Variants in KCNQ5 observed in about 807,000 individuals in gnomAD.
The protein encoded by KCNQ5 is potassium voltage-gated channel subfamily Q member 5, also known as potassium voltage-gated channel subfamily KQT member 5.
In KCNQ5, 30 loss-of-function variants were observed where a neutral mutation model predicts 98.2. The ratio of observed to expected loss-of-function variants is 0.31; its 90% CI spans 0.23 to 0.41. KCNQ5 has a LOEUF of 0.41. Among genes scored for constraint, KCNQ5 ranks in the 10% least tolerant of loss-of-function variants. The probability of loss-of-function intolerance (pLI) is 1.00; values close to 1 mark genes in which losing one functional copy is unlikely to be tolerated. For missense variants in KCNQ5, 835 were observed against 1,182.5 expected (o/e 0.71, Z 4.31); for synonymous variants, 458 against 449.4 (o/e 1.02, Z -0.24).
chr6:73,043,438 G>T (rs576716764), intron 3 of KCNQ5, among the ~76,000 whole-genome samples: 1 of 152,328 alleles, frequency 6.6e-6, no homozygotes, highest in South Asian at 2.1e-4. Context: ...AGCAAAGTCG[G>T]TGGTAACTCC....
At chr6:72,878,985 A>G (rs1237852214) in intron 1 of KCNQ5, among the ~76,000 whole-genome samples, 1 of 152,164 alleles carries the variant, frequency 6.6e-6, no homozygotes, top group Non-Finnish European at 1.5e-5. Context: ...TGTTATAGTC[A>G]TATTTTGGAT....
chr6:72,850,454 A>G (rs1482791084), intron 1 of KCNQ5, among the ~76,000 whole-genome samples: 1 of 152,166 alleles, frequency 6.6e-6, no homozygotes, highest in African/African-American at 2.4e-5. Flanking sequence ...TTGAGCGCCT[A>G]CTACACACAC....
At chr6:72,650,051 A>G (rs1358905787) in intron 1 of KCNQ5, among the ~76,000 whole-genome samples, 1 of 152,070 alleles carries the variant, frequency 6.6e-6, no homozygotes, top group Non-Finnish European at 1.5e-5. Flanking sequence ...GTTAAACTCA[A>G]CCTTCCATTT....
chr6:72,728,123 G>T (rs2154475653), intron 1 of KCNQ5, among the ~76,000 whole-genome samples: 1 of 152,212 alleles, frequency 6.6e-6, no homozygotes, highest in Non-Finnish European at 1.5e-5. Flanking sequence ...CCAGTGGTAG[G>T]TTATGCAAAG....
At chr6:73,061,643 G>A (rs1350436630) in intron 3 of KCNQ5, among the ~76,000 whole-genome samples, 2 of 152,082 alleles carry the variant, frequency 1.3e-5, no homozygotes, top group African/African-American at 4.8e-5. Context: ...TTTAACTCAC[G>A]AAAAACTCTG....
At chr6:72,736,890 A>T (rs1473405124) in intron 1 of KCNQ5, among the ~76,000 whole-genome samples, 1 of 152,190 alleles carries the variant, frequency 6.6e-6, no homozygotes, top group Non-Finnish European at 1.5e-5. Context: ...TTTAAATTTG[A>T]TGTGACAGTA....
At chr6:73,059,232 A>G (rs7749311) in intron 3 of KCNQ5, among the ~76,000 whole-genome samples, 347 of 152,380 alleles carry the variant, frequency 2.3e-3, no homozygotes, top group African/African-American at 7.7e-3. Context: ...CTACACAGCC[A>G]TAAAAAAGAA....
At chr6:73,123,628 A>G (rs1161898841) in intron 8 of KCNQ5, among the ~76,000 whole-genome samples, 1 of 152,222 alleles carries the variant, frequency 6.6e-6, no homozygotes, top group East Asian at 1.9e-4. Flanking sequence ...AGAAGGATGT[A>G]TAGAAGCAAG....
chr6:72,754,320 A>G (rs1338194667), intron 1 of KCNQ5, among the ~76,000 whole-genome samples: 2 of 152,118 alleles, frequency 1.3e-5, no homozygotes, highest in Non-Finnish European at 2.9e-5. Context: ...TATGCTGAAT[A>G]TTGACCCAAA....
At chr6:72,797,343 A>T (rs952253652) in intron 1 of KCNQ5, among the ~76,000 whole-genome samples, 2 of 151,910 alleles carry the variant, frequency 1.3e-5, no homozygotes, top group African/African-American at 4.8e-5. Flanking sequence ...TCTCTACAAA[A>T]CATATGAAAA....
intron 1 of KCNQ5, among the ~76,000 whole-genome samples, chr6:72,966,566 CAAAG>C (rs1346413290): frequency 6.0e-5 from 9 of 149,820 alleles, no homozygotes; most frequent in Admixed American, 3.3e-4. Flanking sequence ...GAAACTCCAT[CAAAG>C]AAAGAAAGAA....
chr6:72,833,158 G>T (rs533935050), intron 1 of KCNQ5, among the ~76,000 whole-genome samples: 2 of 152,082 alleles, frequency 1.3e-5, no homozygotes, highest in Admixed American at 1.3e-4. Context: ...TGAACTGTTC[G>T]ACAGGCCACT....
chr6:72,642,233 CAT>C (rs1412558573), intron 1 of KCNQ5, among the ~76,000 whole-genome samples: 7 of 151,504 alleles, frequency 4.6e-5, no homozygotes, highest in Non-Finnish European at 8.8e-5. Flanking sequence ...AACAAACACA[CAT>C]ATCCTTTGCC....
intron 2 of KCNQ5, among the ~76,000 whole-genome samples, chr6:73,034,672 C>A (rs1771308775): frequency 6.6e-6 from 1 of 152,074 alleles, no homozygotes; most frequent in Non-Finnish European, 1.5e-5. Context: ...ATTTAAACCT[C>A]AAATGGTACA....
intron 1 of KCNQ5, among the ~76,000 whole-genome samples, chr6:72,793,763 CGG>C (rs1774184683): frequency 6.6e-6 from 1 of 152,224 alleles, no homozygotes; most frequent in Non-Finnish European, 1.5e-5. Context: ...AAGCAGGAAA[CGG>C]AGATGGGAGA....
intron 1 of KCNQ5, among the ~76,000 whole-genome samples, chr6:72,859,932 ATT>A (rs1777692998): frequency 6.7e-6 from 1 of 148,898 alleles, no homozygotes. Context: ...TTCTTTTGTC[ATT>A]TCTTTATTAT....
chr6:73,166,989 C>T (rs949243393), intron 10 of KCNQ5, among the ~76,000 whole-genome samples: 5 of 152,154 alleles, frequency 3.3e-5, no homozygotes, highest in Non-Finnish European at 5.9e-5. Flanking sequence ...GGTCATATTC[C>T]GATGTTCCAC....
At chr6:72,939,433 G>C (rs968127424) in intron 1 of KCNQ5, among the ~76,000 whole-genome samples, 3 of 152,178 alleles carry the variant, frequency 2.0e-5, no homozygotes, top group Non-Finnish European at 4.4e-5. Flanking sequence ...TTTGAAATTG[G>C]ATTTCCAACT....
chr6:73,166,256 C>G (rs1310250743), intron 10 of KCNQ5, among the ~76,000 whole-genome samples: 1 of 151,830 alleles, frequency 6.6e-6, no homozygotes, highest in Admixed American at 6.6e-5. Context: ...CATGGTGAAA[C>G]CCCGACACTA....
Sources: gnomAD v4.1 joint callset for allele counts (sites outside exome capture counted in the v4.1 genomes callset) on GRCh38, gnomAD v4.1.1 for gene constraint, MANE v1.5 for transcripts, NCBI Gene and HGNC (gene_info 2026-07-23, HGNC 2026-07-21) for gene names.